NFATC4: variants seen among roughly 807,000 people sequenced by gnomAD.
NFATC4 encodes nuclear factor of activated T cells 4, also known as nuclear factor of activated T-cells, cytoplasmic 4.
Under a neutral mutation model 73.4 loss-of-function variants are expected in NFATC4, and 25 were observed. That is an observed-to-expected ratio of 0.34 (90% CI 0.25 to 0.48). The LOEUF is 0.48. Ranked by LOEUF, NFATC4 falls within the 20% of genes least tolerant of loss-of-function variation. The pLI is 0.99. For synonymous variants in NFATC4, 523 were observed against 510.3 expected (o/e 1.02, Z -0.34); for missense variants, 1,130 against 1,203.7 (o/e 0.94, Z 0.91).
At position 24,370,281 on chromosome 14, in the gene NFATC4, T is replaced by A. The variant is rs756661952; in HGVS notation, c.883T>A (p.Ser295Thr). 2 of 1,611,984 alleles carry A rather than the reference T, an allele frequency of 1.2e-6. No homozygotes were observed. Among genetic ancestry groups the A allele is most frequent in the Non-Finnish European group, 1.7e-6 (2 of 1,179,060 alleles). ...SRRGSLGEEG[S>T]EPPPPPPLPL... The stretch of plus-strand genomic sequence containing the variant: ...CCGTGGCAGCCTGGGGGAAGAGGGG[T>A]CTGAGCCACCTCCACCACCCCCATT... Residue 295 changes from serine (S) to threonine (T), a missense_variant, in exon 2 of 10, where the codon TCT (serine) becomes ACT (threonine). Coordinates refer to ENST00000250373, the MANE Select transcript of NFATC4 (RefSeq NM_004554.5).
chr14:24,367,091 C>G, upstream of NFATC4: 2 of 1,613,912 alleles, frequency 1.2e-6, no homozygotes, highest in Non-Finnish European at 1.7e-6. Context: ...ACCCGCCAGC[C>G]TCGCCAGTAT....
rs1276972858 is a variant in NFATC4 at position 24,376,400 on chromosome 14, C to T, written c.2163C>T (p.Pro721=). 1 of 1,613,426 alleles carries T rather than the reference C, an allele frequency of 6.2e-7. No individual in the cohort carries two copies. Among genetic ancestry groups the T allele is most frequent in the Non-Finnish European group, 8.5e-7 (1 of 1,179,710 alleles). ...TDMDFSPPRP[P]YPSYPHEDPA... ...TGGACTTCTCACCACCCAGGCCCCC[C>T]TACCCCTCCTATCCCCATGAAGACC... The change falls in exon 9 of 10, where the codon CCC becomes CCT. Residue 721 remains proline (P), a synonymous_variant. Transcript: ENST00000250373. This position sits in a 1 kb window ranked among gnomAD's most constrained non-coding sequence, Gnocchi z 5.0.
Position 24,376,198 on chromosome 14 carries a change from G to A in NFATC4, c.2057-96G>A. 6.3e-7 allele frequency: 1 copy of A among 1,586,480 alleles called. No homozygotes were observed. Among genetic ancestry groups the A allele is most frequent in the Non-Finnish European group, 8.6e-7 (1 of 1,164,666 alleles). Reference sequence around the variant, plus strand: ...TACTCATCATGAGGGGCCAAGGGGTGAATGGAACCTGGGAGGAGCAGGCAG... The same window carrying A: ...TACTCATCATGAGGGGCCAAGGGGTAAATGGAACCTGGGAGGAGCAGGCAG... On this transcript the variant is annotated intron_variant, in intron 8 of 9. Transcript: ENST00000250373. This position sits in a 1 kb window ranked among gnomAD's most constrained non-coding sequence, Gnocchi z 5.0.
In NFATC4 at chr14:24,370,269, G is replaced by A. The variant is rs1291247095; in HGVS notation, c.871G>A (p.Gly291Arg). ...AGCTCTGTCCCGCCGTGGCAGCCTG[G>A]GGGAAGAGGGGTCTGAGCCACCTCC... Reference protein sequence around the residue: ...SPALSRRGSLGEEGSEPPPPP... With the variant: ...SPALSRRGSLREEGSEPPPPP... Residue 291 changes from glycine (G) to arginine (R), a missense_variant, in exon 2 of 10, where the codon GGG becomes AGG. Transcript: ENST00000250373. 16 of 1,612,584 alleles carry A rather than the reference G, an allele frequency of 9.9e-6. No homozygotes were observed.
intron 5 of NFATC4, chr14:24,374,119 T>A: frequency 2.3e-6 from 2 of 884,122 alleles, no homozygotes; most frequent in African/African-American, 1.6e-5. Flanking sequence ...CTCCCTGGTC[T>A]ACCCTGTTTA....
chr14:24,377,298 G>C lies in NFATC4; in HGVS notation c.2642-340G>C, dbSNP rs2042650238. 3.2e-6 allele frequency: 4 copies of C among 1,269,310 alleles called. No homozygotes were observed. In the South Asian group the frequency reaches 7.8e-5, roughly 25 times the overall value. 78.6% of individuals were successfully genotyped at this position (1,269,310 alleles called of 1,614,324 possible). A position where few individuals can be genotyped will look rare whatever the true frequency, so the allele number is the denominator to read the frequency against. ...AACACGGTGTCTGTGGTCAGGGTTG[G>C]TGAGGAGGAGCTTTCCTGTTTTGCC... is the stretch of plus-strand genomic sequence containing the variant. On this transcript the variant is annotated intron_variant, in intron 9 of 9. Coordinates refer to ENST00000250373, the MANE Select transcript of NFATC4 (RefSeq NM_004554.5). The surrounding 1 kb of genome is among the most constrained non-coding windows in gnomAD (Gnocchi z 4.2).
At position 24,373,512 on chromosome 14, in the gene NFATC4, G is replaced by C. The variant is rs2042529228; in HGVS notation, c.1559+142G>C. 7.3e-7 allele frequency: 1 copy of C among 1,364,956 alleles called. No individual in the cohort carries two copies. The highest frequency in any genetic ancestry group is 2.3e-5 in the East Asian group (1 of 43,384). The allele number at this position is 1,364,956 out of a possible 1,614,324, so 84.6% of individuals were successfully genotyped here. ...TGGCTTCAGGCCTACCCACCATCTG[G>C]AAGAGGACTTTTGGGGTTGGGGGTA... On this transcript the variant is annotated intron_variant, in intron 4 of 9. Transcript: ENST00000250373. The surrounding 1 kb of genome is among the most constrained non-coding windows in gnomAD (Gnocchi z 4.7).
intron 2 of NFATC4, among the ~76,000 whole-genome samples, chr14:24,371,292 T>C (rs1246265567): frequency 6.6e-6 from 1 of 152,188 alleles, no homozygotes; most frequent in East Asian, 1.9e-4. Flanking sequence ...TAGGGCAAAG[T>C]TTCTCAACCT....
At position 24,373,851 on chromosome 14, in the gene NFATC4, G is replaced by C; in HGVS notation, c.1716G>C (p.Ser572=). The change falls in exon 5 of 10, where the codon TCG becomes TCC. Residue 572 remains serine (S), a synonymous_variant. Coordinates refer to ENST00000250373, the MANE Select transcript of NFATC4 (RefSeq NM_004554.5). The surrounding 1 kb of genome is among the most constrained non-coding windows in gnomAD (Gnocchi z 4.7). ...AGGTCGTCTCAGTACAGGCAGCATC[G>C]GTGCCCATCGAGTGCTGTGAGCAAA... ...GGKVVSVQAA[S]VPIECSQRSA... 1.9e-6 allele frequency: 3 copies of C among 1,614,012 alleles called. No homozygotes were observed. Among genetic ancestry groups the C allele is most frequent in the Non-Finnish European group, 2.5e-6 (3 of 1,180,030 alleles).
At chr14:24,368,523 G>A in intron 1 of NFATC4, 83 bp downstream of exon 1, 1 of 1,219,606 alleles carries the variant, frequency 8.2e-7, no homozygotes. Context: ...AAGGCAGCGA[G>A]CCTAGGGTGG....
chr14:24,375,555 T>C (rs2042589733), intron 6 of NFATC4, 105 bp from the exon 7 acceptor site: 1 of 1,206,424 alleles, frequency 8.3e-7, no homozygotes, highest in African/African-American at 1.5e-5. Flanking sequence ...TTCTAGGGCC[T>C]TCTGAATTTG....
chr14:24,369,380 T>C, intron 1 of NFATC4, 119 bp from the exon 2 acceptor site: 1 of 1,601,172 alleles, frequency 6.2e-7, no homozygotes, highest in Non-Finnish European at 8.5e-7. Context: ...TCAGAAGGTC[T>C]CTTTGCTGAG....
At position 24,369,893 on chromosome 14, in the gene NFATC4, C is replaced by T. The variant is rs1391918011; in HGVS notation, c.495C>T (p.Ala165=). The T allele has an allele frequency of 6.2e-7, 1 of 1,611,588 alleles. No individual in the cohort carries two copies. Among genetic ancestry groups the T allele is most frequent in the Non-Finnish European group, 8.5e-7 (1 of 1,179,326 alleles). The change falls in exon 2 of 10, where the codon GCC becomes GCT. Residue 165 remains alanine, a synonymous_variant. Transcript: ENST00000250373. The stretch of plus-strand genomic sequence containing the variant: ...AAGCAGGGGGCCAGGGTGGGGGGGC[C>T]TTCTTCAGCCCAAGCCCTGGCAGCA... The part of the protein sequence containing the change: ...YREAGGQGGG[A]FFSPSPGSSS...
At position 24,373,086 on chromosome 14, in the gene NFATC4, C is replaced by G. The variant is rs950910231; in HGVS notation, c.1360-85C>G. ...ATCCTTTATCTTTCACCATTCCCATCCCATGGTAGACTGAAAATCTAGGGA... is the reference window on the plus strand; with the variant it reads ...ATCCTTTATCTTTCACCATTCCCATGCCATGGTAGACTGAAAATCTAGGGA... On this transcript the variant is annotated intron_variant, in intron 3 of 9. Coordinates refer to ENST00000250373, the MANE Select transcript of NFATC4 (RefSeq NM_004554.5). The surrounding 1 kb of genome is among the most constrained non-coding windows in gnomAD (Gnocchi z 4.7). 3.7e-6 allele frequency: 5 copies of G among 1,365,148 alleles called. No homozygotes were observed. The highest frequency in any genetic ancestry group is 1.9e-5 in the Admixed American group (1 of 53,634). 84.6% of individuals were successfully genotyped at this position (1,365,148 alleles called of 1,614,324 possible).
At chr14:24,366,924 C>T (rs1245478233), upstream of NFATC4, 13 of 1,528,666 alleles carry the variant, frequency 8.5e-6, no homozygotes, top group Non-Finnish European at 1.1e-5. Context: ...AACGTCTGAC[C>T]TGGGGCCGTC....
chr14:24,367,991 A>G, upstream of NFATC4: 1 of 958,296 alleles, frequency 1.0e-6, no homozygotes, highest in Non-Finnish European at 1.2e-6. Context: ...TTTCCAATTC[A>G]GTTTTTTTTT....
rs762878952 is a variant in NFATC4 at position 24,376,360 on chromosome 14, C to T, written c.2123C>T (p.Pro708Leu). The T allele has an allele frequency of 1.2e-6, 2 of 1,609,738 alleles. No homozygotes were observed. Among genetic ancestry groups the T allele is most frequent in the South Asian group, 2.2e-5 (2 of 90,450 alleles). The change falls in exon 9 of 10, where the codon CCC becomes CTC. Residue 708 changes from proline to leucine, a missense_variant. Transcript: ENST00000250373. The surrounding 1 kb of genome is among the most constrained non-coding windows in gnomAD (Gnocchi z 5.0). ...LRGFPSASAT[P>L]FGTDMDFSPP... ...GGTTTCCCTTCAGCATCGGCAACCCCCTTTGGCACTGACATGGACTTCTCA... is the reference window on the plus strand; with the variant it reads ...GGTTTCCCTTCAGCATCGGCAACCCTCTTTGGCACTGACATGGACTTCTCA...
At chr14:24,367,764 C>A, upstream of NFATC4, 1 of 1,408,374 alleles carries the variant, frequency 7.1e-7, no homozygotes, top group South Asian at 1.4e-5. Context: ...AGAAGTGGTT[C>A]TGCCTTGCTA....
At position 24,376,642 on chromosome 14, in the gene NFATC4, G is replaced by C. The variant is rs1188128158; in HGVS notation, c.2405G>C (p.Gly802Ala). The change falls in exon 9 of 10, where the codon GGG (glycine) becomes GCG (alanine). Residue 802 changes from glycine (G) to alanine (A), a missense_variant. By Grantham distance (60) the Gly-to-Ala change is moderately conservative (BLOSUM62 0). This residue lies in a region of NFATC4 where 390 missense variants were observed against 408.1 expected (regional missense o/e 0.96). Transcript: ENST00000250373. The surrounding 1 kb of genome is among the most constrained non-coding windows in gnomAD (Gnocchi z 5.0). ...GGGCGGGGCTCCTCTTTCTCCCTGG[G>C]GCTGCCATTCTCTCCGCCAGCCCCC... ...YGGRGSSFSL[G>A]LPFSPPAPFR... 6.2e-7 allele frequency: 1 copy of C among 1,613,348 alleles called. No homozygotes were observed. The highest frequency in any genetic ancestry group is 8.5e-7 in the Non-Finnish European group (1 of 1,179,808).
Sources: allele counts gnomAD v4.1 joint callset (sites outside exome capture counted in the v4.1 genomes callset), GRCh38; gene constraint gnomAD v4.1.1; regional missense constraint gnomAD v4.1.1; non-coding constraint Gnocchi (gnomAD v3.1); transcripts MANE v1.5; gene names NCBI Gene and HGNC (gene_info 2026-07-23, HGNC 2026-07-21).